The following CFAP43 variants were observed in gnomAD, a reference collection of about 807,000 sequenced individuals.
CFAP43 encodes cilia- and flagella-associated protein 43.
A neutral mutation model predicts 218.9 loss-of-function variants in CFAP43; 155 were observed. The observed-to-expected ratio is 0.71, with a 90% CI of 0.62 to 0.81. The LOEUF is 0.81. Among genes scored for constraint, CFAP43 ranks in the 30% least tolerant of loss-of-function variants. The probability of loss-of-function intolerance (pLI) is 0.00; values close to 1 mark genes in which losing one functional copy is unlikely to be tolerated. For synonymous variants in CFAP43, 645 were observed against 681.3 expected, an observed-to-expected ratio of 0.95 and a Z score of 0.83; for missense variants, 1,778 against 1,954.3, an observed-to-expected ratio of 0.91 and a Z score of 1.70.
chr10:104,146,408 T>C (rs2087974526), intron 29 of CFAP43, 59 bp from the exon 30 acceptor site: 1 of 1,278,548 alleles, frequency 7.8e-7, no homozygotes, highest in Non-Finnish European at 1.1e-6. Context: ...TAAACAAAAA[T>C]ATTGGGGATA....
chr10:104,155,926 CA>C (rs1398193634), intron 27 of CFAP43, among the ~76,000 whole-genome samples: 7 of 150,514 alleles, frequency 4.7e-5, no homozygotes, highest in Admixed American at 2.7e-4. Context: ...GGGGAGGAGG[CA>C]GGGGGCAGAG....
chr10:104,175,128 A>G (rs1395522628), intron 19 of CFAP43, among the ~76,000 whole-genome samples: 1 of 151,010 alleles, frequency 6.6e-6, no homozygotes, highest in Non-Finnish European at 1.5e-5. Flanking sequence ...TAAAAGTTAT[A>G]TATTTTAAAA....
At chr10:104,132,896 G>T in intron 35 of CFAP43, 1 of 706,492 alleles carries the variant, frequency 1.4e-6, no homozygotes, top group Non-Finnish European at 1.7e-6. Context: ...ACATAGATAT[G>T]ATTGGTTGCC....
intron 12 of CFAP43, among the ~76,000 whole-genome samples, chr10:104,191,776 A>C (rs2090226498): frequency 9.2e-6 from 1 of 109,066 alleles, no homozygotes; most frequent in African/African-American, 4.3e-5. Context: ...AATTTTAAAA[A>C]AAATTGTGTG....
chr10:104,232,225 C>T lies in CFAP43; in HGVS notation c.22G>A (p.Asp8Asn). 6.2e-7 allele frequency: 1 copy of T among 1,608,590 alleles called. No individual in the cohort carries two copies. The highest frequency in any genetic ancestry group is 8.5e-7 in the Non-Finnish European group (1 of 1,178,402). MAQGRER[D>N]EGPHSAGGAS... Reference sequence around the variant, plus strand: ...CCGCCGGCGGAGTGGGGGCCTTCGTCGCGCTCCCGGCCTTGCGCCATGGGC... The same window carrying T: ...CCGCCGGCGGAGTGGGGGCCTTCGTTGCGCTCCCGGCCTTGCGCCATGGGC... Residue 8 changes from aspartate (D) to asparagine (N), a missense_variant, in exon 1 of 38, where the codon GAC becomes AAC. By Grantham distance (23) the Asp-to-Asn change is conservative (BLOSUM62 1). Coordinates refer to ENST00000357060, the MANE Select transcript of CFAP43 (RefSeq NM_025145.7).
intron 20 of CFAP43, among the ~76,000 whole-genome samples, chr10:104,171,945 C>T (rs541704420): frequency 6.6e-6 from 1 of 152,156 alleles, no homozygotes; most frequent in South Asian, 2.1e-4. Flanking sequence ...GATAATTAGC[C>T]CAGACAGGAG....
chr10:104,175,004 G>A (rs893685295), intron 19 of CFAP43, among the ~76,000 whole-genome samples: 2 of 151,768 alleles, frequency 1.3e-5, no homozygotes, highest in Non-Finnish European at 2.9e-5. Flanking sequence ...GCAGTGAGCC[G>A]AGATCATGCC....
At chr10:104,224,102 G>A (rs766227913) in intron 3 of CFAP43, among the ~76,000 whole-genome samples, 17 of 152,236 alleles carry the variant, frequency 1.1e-4, no homozygotes, top group Non-Finnish European at 1.9e-4. Flanking sequence ...GGAGTGCAGT[G>A]GCGCAATCTC....
chr10:104,213,040 A>G (rs73333239), intron 4 of CFAP43, among the ~76,000 whole-genome samples: 4,255 of 152,304 alleles, frequency 0.028, 118 homozygotes, highest in East Asian at 0.094. Context: ...AAAGGGTGTG[A>G]TAAATTACTT....
At chr10:104,220,978 G>A (rs1312014959) in intron 3 of CFAP43, among the ~76,000 whole-genome samples, 4 of 151,712 alleles carry the variant, frequency 2.6e-5, no homozygotes, top group South Asian at 2.1e-4. Context: ...GTGTGTGTGT[G>A]TGTGTGTGTG....
Position 104,172,420 on chromosome 10 carries a change from T to C in CFAP43, c.2576A>G (p.Glu859Gly). 1 of 1,608,496 alleles carries C rather than the reference T, an allele frequency of 6.2e-7. No individual in the cohort carries two copies. The highest frequency in any genetic ancestry group is 2.2e-5 in the East Asian group (1 of 44,576). The part of the protein sequence containing the change: ...LERLHDESQE[E>G]VAKMIKDVEM... Reference sequence around the variant, plus strand: ...TATACTTTTTCATACCTTTGCCACTTCTTCCTGACTTTCATCATGAAGCCT... The same window carrying C: ...TATACTTTTTCATACCTTTGCCACTCCTTCCTGACTTTCATCATGAAGCCT... The change falls in exon 20 of 38, where the codon GAA (glutamate) becomes GGA (glycine). Residue 859 changes from glutamate (E) to glycine (G), a missense_variant. Physicochemically the swap from Glu to Gly is moderately conservative, Grantham distance 98 (BLOSUM62 -2). This residue lies in a region of CFAP43 where 1,553 missense variants were observed against 1,685.2 expected (regional missense o/e 0.92). Coordinates refer to ENST00000357060, the MANE Select transcript of CFAP43 (RefSeq NM_025145.7).
chr10:104,197,990 CTTTA>C lies in CFAP43; in HGVS notation c.1140_1143del (p.Asn380LysfsTer3), dbSNP rs751656287. The C allele has an allele frequency of 6.2e-7, 1 of 1,613,790 alleles. No homozygotes were observed. Among genetic ancestry groups the C allele is most frequent in the Non-Finnish European group, 8.5e-7 (1 of 1,179,776 alleles). On this transcript the variant is annotated frameshift_variant, in exon 9 of 38. Transcript: ENST00000357060. LOFTEE classifies it high-confidence loss of function. ...AATTTCCCATCACAAGCATCTAGGA[CTTTA>C]TTTAAGGTTGGCTCCTTACCAAAAG...
intron 17 of CFAP43, 71 bp from the exon 18 acceptor site, chr10:104,180,003 AC>A: frequency 9.2e-7 from 1 of 1,083,380 alleles, no homozygotes; most frequent in Non-Finnish European, 1.4e-6. Context: ...CTCCCACCCT[AC>A]CACATGTAAC....
At position 104,188,291 on chromosome 10, in the gene CFAP43, G is replaced by A. The variant is rs371870327; in HGVS notation, c.1666C>T (p.Leu556=). Residue 556 remains leucine, a synonymous_variant, in exon 13 of 38, where the codon CTG becomes TTG. Coordinates refer to ENST00000357060, the MANE Select transcript of CFAP43 (RefSeq NM_025145.7). Reference sequence around the variant, plus strand: ...TTACCTTGTGGCAGTAATGTAGGCAGTGTGAACATCTCCAACCTGCTTCTC... The same window carrying A: ...TTACCTTGTGGCAGTAATGTAGGCAATGTGAACATCTCCAACCTGCTTCTC... ...AGRSRLEMFT[L]PTLLPQVSTT... is the part of the protein sequence containing the mutation. 5.0e-6 allele frequency: 8 copies of A among 1,614,124 alleles called. 1 individual carries two copies. The highest frequency in any genetic ancestry group is 6.8e-6 in the Non-Finnish European group (8 of 1,180,004).
intron 3 of CFAP43, among the ~76,000 whole-genome samples, chr10:104,215,356 T>C (rs112313075): frequency 9.1e-4 from 138 of 152,248 alleles, no homozygotes; most frequent in Non-Finnish European, 1.6e-3. Flanking sequence ...CTGGAGCTAA[T>C]ATTGATTGAG....
intron 35 of CFAP43, 99 bp downstream of exon 35, chr10:104,133,521 T>C (rs2087294656): frequency 7.8e-7 from 1 of 1,275,372 alleles, no homozygotes; most frequent in Non-Finnish European, 1.1e-6. Flanking sequence ...GCTTAGAATA[T>C]GCTTGATATC....
chr10:104,187,342 C>A lies in CFAP43; in HGVS notation c.1838G>T (p.Cys613Phe). The change falls in exon 14 of 38, where the codon TGT (cysteine) becomes TTT (phenylalanine). Residue 613 changes from cysteine (C) to phenylalanine (F), a missense_variant. Physicochemically the swap from Cys to Phe is radical, Grantham distance 205 (BLOSUM62 -2). Transcript: ENST00000357060. Reference protein sequence around the residue: ...YGFCSQVPYICSYLLPEEEHT... With the variant: ...YGFCSQVPYIFSYLLPEEEHT... ...TACTTCTTCAGGAAGAAGGTAGCTA[C>A]AGATGTATGGCACTTGACTACAGAA... is the stretch of plus-strand genomic sequence containing the variant. 6.2e-7 allele frequency: 1 copy of A among 1,600,640 alleles called. No individual in the cohort carries two copies.
intron 22 of CFAP43, 41 bp from the exon 23 acceptor site, chr10:104,166,759 A>G: frequency 2.6e-6 from 4 of 1,521,288 alleles, no homozygotes; most frequent in South Asian, 2.5e-5. Flanking sequence ...ATGCAATAAT[A>G]AGAATCCTCT....
chr10:104,173,090 T>C (rs2089476163), intron 19 of CFAP43, among the ~76,000 whole-genome samples: 1 of 152,128 alleles, frequency 6.6e-6, no homozygotes, highest in African/African-American at 2.4e-5. Context: ...ACAACACATA[T>C]GACAAAATAT....
Sources: allele counts gnomAD v4.1 joint callset (sites outside exome capture counted in the v4.1 genomes callset), GRCh38; gene constraint gnomAD v4.1.1; regional missense constraint gnomAD v4.1.1; transcripts MANE v1.5; gene names NCBI Gene and HGNC (gene_info 2026-07-23, HGNC 2026-07-21).